Variants in GRM7 observed in about 807,000 individuals in gnomAD.
GRM7 encodes the protein glutamate metabotropic receptor 7.
Under a neutral mutation model 84.5 loss-of-function variants are expected in GRM7, and 35 were observed. The ratio of observed to expected loss-of-function variants is 0.41; its 90% CI spans 0.32 to 0.55. The LOEUF is 0.55. GRM7 is among the 20% of genes least tolerant of loss of function. The pLI is 0.19. For missense variants in GRM7, 1,003 were observed against 1,194.6 expected, an observed-to-expected ratio of 0.84 and a Z score of 2.36; for synonymous variants, 487 against 455.1, an observed-to-expected ratio of 1.07 and a Z score of -0.89.
intron 1 of GRM7, among the ~76,000 whole-genome samples, chr3:7,104,781 A>G (rs1474831009): frequency 6.6e-6 from 1 of 151,896 alleles, no homozygotes; most frequent in Non-Finnish European, 1.5e-5. Flanking sequence ...CCTGTTTTAC[A>G]GAGAAAACTT....
intron 8 of GRM7, among the ~76,000 whole-genome samples, chr3:7,651,763 G>T (rs1168068099): frequency 6.6e-6 from 1 of 152,158 alleles, no homozygotes; most frequent in African/African-American, 2.4e-5. Flanking sequence ...TTTTGCAGAA[G>T]AAATAGCAAT....
intron 4 of GRM7, among the ~76,000 whole-genome samples, chr3:7,404,792 TA>T (rs59292920): frequency 0.011 from 1,604 of 145,770 alleles, 17 homozygotes; most frequent in South Asian, 0.028. Context: ...GAGTCCTACA[TA>T]AAAAAAAAAA....
chr3:7,055,144 T>C (rs1697166742), intron 1 of GRM7, among the ~76,000 whole-genome samples: 1 of 152,008 alleles, frequency 6.6e-6, no homozygotes, highest in African/African-American at 2.4e-5. Flanking sequence ...CTTAATTTAT[T>C]TCTAGCGTTC....
chr3:7,467,381 C>T (rs1053727306), intron 7 of GRM7, among the ~76,000 whole-genome samples: 3 of 152,166 alleles, frequency 2.0e-5, no homozygotes, highest in African/African-American at 7.2e-5. Flanking sequence ...GCCACCACGC[C>T]GGGCGCCAAG....
chr3:7,276,898 T>C (rs2124988507), intron 2 of GRM7, among the ~76,000 whole-genome samples: 1 of 151,916 alleles, frequency 6.6e-6, no homozygotes, highest in South Asian at 2.1e-4. Context: ...ACTATCATTT[T>C]GCTTAACAAA....
chr3:7,529,491 G>T lies in GRM7; in HGVS notation c.1516-48931G>T, dbSNP rs547124569. On this transcript the variant is annotated intron_variant, in intron 7 of 9. Transcript: ENST00000357716. Reference sequence around the variant, plus strand: ...GGACAGAAATTCCTTATTTGTTTAGGAGAGAGTCTTAAGAGTAGAACTATT... The same window carrying T: ...GGACAGAAATTCCTTATTTGTTTAGTAGAGAGTCTTAAGAGTAGAACTATT... Among the ~76,000 whole-genome samples the T allele has an allele frequency of 1.2e-4, 18 of 152,208 alleles. 1 individual carries two copies. The highest frequency in any genetic ancestry group is 2.6e-4 in the Admixed American group (4 of 15,272).
chr3:7,299,985 C>A (rs1425829889), intron 3 of GRM7, among the ~76,000 whole-genome samples: 1 of 151,222 alleles, frequency 6.6e-6, no homozygotes. Context: ...TGCAAATATA[C>A]TTTTTATATA....
chr3:7,453,920 G>A (rs577531796), intron 6 of GRM7, among the ~76,000 whole-genome samples: 5 of 152,226 alleles, frequency 3.3e-5, no homozygotes, highest in South Asian at 2.1e-4. Flanking sequence ...GGCTGATAGC[G>A]TATTAACAAA....
intron 4 of GRM7, among the ~76,000 whole-genome samples, chr3:7,338,593 C>T (rs1178443178): frequency 6.6e-6 from 1 of 152,096 alleles, no homozygotes; most frequent in Admixed American, 6.6e-5. Flanking sequence ...AGCTGGTTCT[C>T]TGGAAGTTCA....
At chr3:7,019,507 A>G (rs1174555040) in intron 1 of GRM7, among the ~76,000 whole-genome samples, 1 of 152,212 alleles carries the variant, frequency 6.6e-6, no homozygotes, top group Non-Finnish European at 1.5e-5. Flanking sequence ...ATGTCTCCCG[A>G]CAAATATAGA....
At chr3:7,526,908 C>T (rs1239539) in intron 7 of GRM7, among the ~76,000 whole-genome samples, 93,147 of 151,730 alleles carry the variant, frequency 0.61, 29,613 homozygotes, top group African/African-American at 0.79. Context: ...TTAACAGTAC[C>T]ATGTTGTTTT....
intron 1 of GRM7, among the ~76,000 whole-genome samples, chr3:6,913,243 A>C (rs1021063536): frequency 6.6e-6 from 1 of 152,148 alleles, no homozygotes; most frequent in Admixed American, 6.6e-5. Context: ...TATTATTTTC[A>C]TTGGCTTTAT....
chr3:7,189,076 T>C (rs912519449), intron 2 of GRM7, among the ~76,000 whole-genome samples: 1 of 152,186 alleles, frequency 6.6e-6, no homozygotes, highest in African/African-American at 2.4e-5. Context: ...GAGGTAGTTG[T>C]GGCAATTAAC....
At chr3:7,275,557 C>A (rs1357077851) in intron 2 of GRM7, among the ~76,000 whole-genome samples, 1 of 152,140 alleles carries the variant, frequency 6.6e-6, no homozygotes, top group Non-Finnish European at 1.5e-5. Flanking sequence ...TAGAAGATGA[C>A]TAGCCTGAGC....
chr3:7,476,785 C>T (rs945199128), intron 7 of GRM7, among the ~76,000 whole-genome samples: 6 of 152,174 alleles, frequency 3.9e-5, no homozygotes, highest in Non-Finnish European at 8.8e-5. Context: ...CATACCCACA[C>T]TTCTGTCTCA....
intron 7 of GRM7, among the ~76,000 whole-genome samples, chr3:7,470,616 G>C (rs367630164): frequency 6.6e-6 from 1 of 152,070 alleles, no homozygotes; most frequent in Non-Finnish European, 1.5e-5. Flanking sequence ...TGCATTCTGG[G>C]CATTCAAGCA....
At chr3:7,023,754 A>G (rs1695867714) in intron 1 of GRM7, among the ~76,000 whole-genome samples, 1 of 152,132 alleles carries the variant, frequency 6.6e-6, no homozygotes, top group African/African-American at 2.4e-5. Context: ...CTAAAGACCC[A>G]TCTTAATTAC....
chr3:7,154,537 TG>T (rs1202403790), intron 2 of GRM7, among the ~76,000 whole-genome samples: 1 of 152,112 alleles, frequency 6.6e-6, no homozygotes, highest in African/African-American at 2.4e-5. Context: ...TTTCTTTACT[TG>T]CCTATGTAGA....
intron 7 of GRM7, among the ~76,000 whole-genome samples, chr3:7,491,980 C>G (rs1699535222): frequency 6.6e-6 from 1 of 152,092 alleles, no homozygotes; most frequent in African/African-American, 2.4e-5. Context: ...TATGGTTTTT[C>G]TTCTGTGGCT....
Sources: gnomAD v4.1 joint callset for allele counts (sites outside exome capture counted in the v4.1 genomes callset) on GRCh38, gnomAD v4.1.1 for gene constraint, MANE v1.5 for transcripts, NCBI Gene and HGNC (gene_info 2026-07-23, HGNC 2026-07-21) for gene names.